The following RYR3 variants were observed in gnomAD, a reference collection of about 807,000 sequenced individuals.
RYR3 encodes brain ryanodine receptor-calcium release channel.
RYR3 carries 207 observed loss-of-function variants against 584.3 expected under a neutral mutation model. That is an observed-to-expected ratio of 0.35 (90% CI 0.32 to 0.40). The LOEUF (loss-of-function observed/expected upper bound fraction) is 0.40, where lower values mean the gene tolerates loss of function less well. Among genes scored for constraint, RYR3 ranks in the 10% least tolerant of loss-of-function variants. The pLI, the probability that RYR3 is intolerant of heterozygous loss-of-function variation, is 1.00. For synonymous variants in RYR3, 2,416 were observed against 2,248.5 expected, an observed-to-expected ratio of 1.07 and a Z score of -2.11; for missense variants, 5,616 against 6,089.2, an observed-to-expected ratio of 0.92 and a Z score of 2.59.
At chr15:33,613,019 CAAAAGG>C (rs746922633) in intron 18 of RYR3, among the ~76,000 whole-genome samples, 158 bp from the exon 19 acceptor site, 4 of 152,192 alleles carry the variant, frequency 2.6e-5, no homozygotes, top group Non-Finnish European at 5.9e-5. Context: ...TCATCTCACA[CAAAAGG>C]AAACAAAAGG....
chr15:33,685,686 T>C (rs2152747063), intron 38 of RYR3, among the ~76,000 whole-genome samples: 1 of 152,258 alleles, frequency 6.6e-6, no homozygotes, highest in African/African-American at 2.4e-5. Flanking sequence ...GACCACATAA[T>C]TGGAAATAAT....
At chr15:33,377,598 C>T (rs1283188313) in intron 1 of RYR3, among the ~76,000 whole-genome samples, 4 of 152,262 alleles carry the variant, frequency 2.6e-5, no homozygotes, top group Admixed American at 1.3e-4. Context: ...AAGTGTTAAA[C>T]GCATGAGCTC....
At chr15:33,520,197 G>A (rs779027220) in intron 3 of RYR3, among the ~76,000 whole-genome samples, 2 of 152,012 alleles carry the variant, frequency 1.3e-5, no homozygotes, top group African/African-American at 4.8e-5. Flanking sequence ...TAGTCAGCAG[G>A]GTTTTATGAT....
At chr15:33,616,897 G>C (rs1173847868) in intron 19 of RYR3, among the ~76,000 whole-genome samples, 1 of 152,128 alleles carries the variant, frequency 6.6e-6, no homozygotes, top group Non-Finnish European at 1.5e-5. Context: ...CCTTGGTCAG[G>C]GTCAGTGCAG....
Position 33,697,918 on chromosome 15 carries a change from C to T in RYR3, c.6171C>T (p.Pro2057=). ...IMNNKVFYQH[P]NLMRVLGMHE... is the part of the protein sequence containing the mutation. Reference sequence around the variant, plus strand: ...ACAACAAGGTGTTTTACCAGCATCCCAACCTCATGAGAGTCCTGGGCATGC... The same window carrying T: ...ACAACAAGGTGTTTTACCAGCATCCTAACCTCATGAGAGTCCTGGGCATGC... The change falls in exon 40 of 104, where the codon CCC becomes CCT. Residue 2057 remains proline (P), a synonymous_variant. Coordinates refer to ENST00000634891, the MANE Select transcript of RYR3 (RefSeq NM_001036.6). 6.2e-7 allele frequency: 1 copy of T among 1,613,686 alleles called. No homozygotes were observed. The highest frequency in any genetic ancestry group is 2.2e-5 in the East Asian group (1 of 44,880).
chr15:33,656,581 C>T (rs1184377677), intron 32 of RYR3, among the ~76,000 whole-genome samples: 1 of 152,190 alleles, frequency 6.6e-6, no homozygotes, highest in Admixed American at 6.5e-5. Context: ...ACTGGGTACT[C>T]AGATTCTCAC....
chr15:33,499,055 TA>T (rs1032410029), intron 2 of RYR3, among the ~76,000 whole-genome samples: 1 of 152,134 alleles, frequency 6.6e-6, no homozygotes, highest in Admixed American at 6.5e-5. Context: ...TAACTTGCTC[TA>T]ATGGCACCCT....
At position 33,633,148 on chromosome 15, in the gene RYR3, G is replaced by T. The variant is rs766803307; in HGVS notation, c.3027+40G>T. Reference sequence around the variant, plus strand: ...GTCAGGCATGCTGGAAAACTTAGAAGATATGATCATCCACGTGCCGTTTTG... The same window carrying T: ...GTCAGGCATGCTGGAAAACTTAGAATATATGATCATCCACGTGCCGTTTTG... On this transcript the variant is annotated intron_variant, in intron 24 of 103. Coordinates refer to ENST00000634891, the MANE Select transcript of RYR3 (RefSeq NM_001036.6). The T allele has an allele frequency of 4.8e-5, 77 of 1,603,072 alleles. 1 individual carries two copies. The South Asian group carries it at 7.7e-4, about 16-fold the overall frequency.
intron 94 of RYR3, 133 bp downstream of exon 94, chr15:33,848,554 C>G: frequency 1.0e-6 from 1 of 1,003,928 alleles, no homozygotes; most frequent in Non-Finnish European, 1.4e-6. Flanking sequence ...TCCCTTGCCT[C>G]TTCAATAAAG....
chr15:33,617,065 A>C (rs2060485746), intron 19 of RYR3, among the ~76,000 whole-genome samples: 1 of 152,232 alleles, frequency 6.6e-6, no homozygotes, highest in African/African-American at 2.4e-5. Flanking sequence ...TTGAACAAAG[A>C]GCTAGAAAGA....
chr15:33,617,931 A>T (rs528345286), intron 19 of RYR3, among the ~76,000 whole-genome samples: 1 of 152,290 alleles, frequency 6.6e-6, no homozygotes, highest in East Asian at 1.9e-4. Flanking sequence ...TGGTTTGTTT[A>T]TAGACAGTAT....
At chr15:33,757,886 C>T (rs1018810575) in intron 60 of RYR3, 18 of 381,956 alleles carry the variant, frequency 4.7e-5, no homozygotes, top group African/African-American at 3.7e-4. Flanking sequence ...TGGTCTGTAG[C>T]TCCCAGCGAG....
intron 50 of RYR3, among the ~76,000 whole-genome samples, chr15:33,738,832 G>C (rs1479281486): frequency 1.3e-5 from 2 of 152,166 alleles, no homozygotes; most frequent in Non-Finnish European, 2.9e-5. Context: ...GCTGTACGAG[G>C]GAAAGTGACT....
intron 38 of RYR3, among the ~76,000 whole-genome samples, chr15:33,682,265 T>C (rs1364968219): frequency 6.6e-6 from 1 of 152,140 alleles, no homozygotes. Context: ...TCCAAACTGA[T>C]GTACTAAGGC....
At chr15:33,714,147 T>C (rs1432238641) in intron 43 of RYR3, among the ~76,000 whole-genome samples, 1 of 152,092 alleles carries the variant, frequency 6.6e-6, no homozygotes, top group Non-Finnish European at 1.5e-5. Context: ...TTATGAACCA[T>C]TGTGCACTGT....
chr15:33,473,086 A>T (rs939324310), intron 1 of RYR3, among the ~76,000 whole-genome samples: 1 of 152,100 alleles, frequency 6.6e-6, no homozygotes, highest in Non-Finnish European at 1.5e-5. Context: ...GAGAGATTGT[A>T]TAAATTTGCT....
chr15:33,509,498 C>T (rs1467280695), intron 3 of RYR3, among the ~76,000 whole-genome samples: 1 of 152,208 alleles, frequency 6.6e-6, no homozygotes, highest in Non-Finnish European at 1.5e-5. Context: ...GATGGAGGAA[C>T]TGCGTCCATA....
chr15:33,807,701 G>C (rs747361169), intron 70 of RYR3, 132 bp downstream of exon 70: 9 of 877,124 alleles, frequency 1.0e-5, no homozygotes, highest in Non-Finnish European at 1.5e-5. Context: ...CCCCAGGCCT[G>C]CTCCAGGGAA....
At chr15:33,700,141 A>G (rs1365568555) in intron 41 of RYR3, among the ~76,000 whole-genome samples, 1 of 152,168 alleles carries the variant, frequency 6.6e-6, no homozygotes, top group Non-Finnish European at 1.5e-5. Flanking sequence ...GATTGCAGGT[A>G]TAGTCTGGGG....
Sources: gnomAD v4.1 joint callset for allele counts (sites outside exome capture counted in the v4.1 genomes callset) on GRCh38, gnomAD v4.1.1 for gene constraint, MANE v1.5 for transcripts, NCBI Gene and HGNC (gene_info 2026-07-23, HGNC 2026-07-21) for gene names.